MARCHF1: variants seen among roughly 807,000 people sequenced by gnomAD.
The protein encoded by MARCHF1 is membrane associated ring-CH-type finger 1.
A neutral mutation model predicts 54.2 loss-of-function variants in MARCHF1; 40 were observed. That is an observed-to-expected ratio of 0.74 (90% confidence interval 0.57 to 0.96). MARCHF1 has a LOEUF of 0.96. Ranked by LOEUF, MARCHF1 falls within the 40% of genes least tolerant of loss-of-function variation. The probability of loss-of-function intolerance (pLI) is 0.00; values close to 1 mark genes in which losing one functional copy is unlikely to be tolerated. For synonymous variants in MARCHF1, 236 were observed against 236.3 expected, an observed-to-expected ratio of 1.00 and a Z score of 0.01; for missense variants, 586 against 656.5, an observed-to-expected ratio of 0.89 and a Z score of 1.17.
intron 2 of MARCHF1, among the ~76,000 whole-genome samples, chr4:164,092,814 A>T (rs997509267): frequency 1.3e-5 from 2 of 150,604 alleles, no homozygotes; most frequent in Non-Finnish European, 3.0e-5. Context: ...AATTATCAGA[A>T]GGAAATTGAT....
At chr4:164,013,661 T>C (rs185702236) in intron 2 of MARCHF1, among the ~76,000 whole-genome samples, 1 of 152,122 alleles carries the variant, frequency 6.6e-6, no homozygotes, top group Non-Finnish European at 1.5e-5. Context: ...AAATAACATA[T>C]AAAGGAGTTC....
chr4:163,879,548 A>C lies in MARCHF1; in HGVS notation c.-38-25379T>G, dbSNP rs79679906. Reference sequence around the variant, plus strand: ...GCAAATTCCAAAGGCTTATATGTAAAGTATCATTTGCTACAGTGAAAATAG... The same window carrying C: ...GCAAATTCCAAAGGCTTATATGTAACGTATCATTTGCTACAGTGAAAATAG... On this transcript the variant is annotated intron_variant, in intron 3 of 9. Transcript: ENST00000514618. Among the ~76,000 whole-genome samples, 506 of 152,348 alleles carry C rather than the reference A, an allele frequency of 3.3e-3. 1 individual carries two copies. The highest frequency in any genetic ancestry group is 6.1e-3 in the Non-Finnish European group (414 of 68,030).
chr4:164,173,874 A>G (rs1239252450), intron 1 of MARCHF1, among the ~76,000 whole-genome samples: 1 of 152,186 alleles, frequency 6.6e-6, no homozygotes, highest in Non-Finnish European at 1.5e-5. Flanking sequence ...TCTTTAGAGC[A>G]TGGCAAGAGC....
intron 3 of MARCHF1, among the ~76,000 whole-genome samples, chr4:163,979,036 T>TTTTA (rs1272628165): frequency 1.8e-5 from 2 of 114,124 alleles, no homozygotes; most frequent in African/African-American, 5.8e-5. Context: ...TTTTTTTTTT[T>TTTTA]ATACTTTAAG....
intron 4 of MARCHF1, among the ~76,000 whole-genome samples, chr4:163,793,517 C>T (rs1747826638): frequency 6.6e-6 from 1 of 152,030 alleles, no homozygotes; most frequent in East Asian, 1.9e-4. Flanking sequence ...TTGAAAGAAG[C>T]GGGTACAAAG....
chr4:163,848,245 A>G (rs997669427), intron 4 of MARCHF1, among the ~76,000 whole-genome samples: 4 of 152,156 alleles, frequency 2.6e-5, no homozygotes, highest in Non-Finnish European at 5.9e-5. Flanking sequence ...CAAGCATCTC[A>G]TCCTGGAATA....
rs553772498 is a variant in MARCHF1, at chr4:164,197,856, T to A, written c.-322-86194A>T. 5 of 1,399,040 alleles carry A rather than the reference T, an allele frequency of 3.6e-6. 1 individual carries two copies. The African/African-American group carries it at 5.8e-5, about 16-fold the overall frequency. The allele number at this position is 1,399,040 out of a possible 1,614,324, so 86.7% of individuals were successfully genotyped here. A position where few individuals can be genotyped will look rare whatever the true frequency, so the allele number is the denominator to read the frequency against. On this transcript the variant is annotated intron_variant, in intron 1 of 9. Coordinates refer to ENST00000514618, the MANE Select transcript of MARCHF1 (RefSeq NM_001394959.1). ...GCCCCAATATTTACAAATATTATAATAAAGGGACTGATAAGTAACCTGGGT... is the reference window on the plus strand; with the variant it reads ...GCCCCAATATTTACAAATATTATAAAAAAGGGACTGATAAGTAACCTGGGT...
chr4:164,076,425 G>A (rs570397346), intron 2 of MARCHF1, among the ~76,000 whole-genome samples: 1 of 152,278 alleles, frequency 6.6e-6, no homozygotes, highest in African/African-American at 2.4e-5. Flanking sequence ...CAAAGCCACA[G>A]CCAATATCAT....
chr4:164,143,411 G>T (rs1353156116), intron 1 of MARCHF1, among the ~76,000 whole-genome samples: 6 of 149,504 alleles, frequency 4.0e-5, no homozygotes, highest in African/African-American at 1.5e-4. Flanking sequence ...AATGTTAAGG[G>T]CAGCCAGAGA....
chr4:164,013,997 G>C lies in MARCHF1; in HGVS notation c.-247-25288C>G, dbSNP rs139556449. On this transcript the variant is annotated intron_variant, in intron 2 of 9. Transcript: ENST00000514618. ...GGATCAAGAGATCAAAACCATCCTG[G>C]TCAAAATGGTGAAACCCCATCTCTA... 3.5e-3 allele frequency among the ~76,000 whole-genome samples: 534 copies of C among 152,048 alleles called. 5 individuals carry two copies. The highest frequency in any genetic ancestry group is 0.012 in the African/African-American group (489 of 41,480).
intron 3 of MARCHF1, among the ~76,000 whole-genome samples, chr4:163,932,114 A>G (rs1318798477): frequency 1.1e-5 from 1 of 90,246 alleles, no homozygotes; most frequent in African/African-American, 3.8e-5. Flanking sequence ...CCTTATTGCT[A>G]AAAAGAAAAA....
chr4:163,730,969 T>G (rs1212596035), intron 4 of MARCHF1, among the ~76,000 whole-genome samples: 3 of 152,202 alleles, frequency 2.0e-5, no homozygotes, highest in Non-Finnish European at 2.9e-5. Context: ...AAACTTACAC[T>G]ACCCCAGGGA....
chr4:163,837,799 A>G (rs1749231904), intron 4 of MARCHF1, among the ~76,000 whole-genome samples: 1 of 152,160 alleles, frequency 6.6e-6, no homozygotes, highest in Non-Finnish European at 1.5e-5. Flanking sequence ...CATGATTACC[A>G]AATTTTAGCT....
intron 4 of MARCHF1, 117 bp downstream of exon 4, chr4:163,853,904 A>G: frequency 1.2e-6 from 1 of 811,672 alleles, no homozygotes; most frequent in Non-Finnish European, 1.8e-6. Flanking sequence ...ATATAATACA[A>G]ATGCAAATAC....
intron 3 of MARCHF1, among the ~76,000 whole-genome samples, chr4:163,911,446 AAGTTC>A (rs1196718684): frequency 1.3e-5 from 2 of 152,150 alleles, no homozygotes; most frequent in Non-Finnish European, 2.9e-5. Flanking sequence ...CTGAGGAGAA[AAGTTC>A]TACAAGGCCT....
At chr4:164,255,147 G>A (rs181765567) in intron 1 of MARCHF1, among the ~76,000 whole-genome samples, 3 of 152,230 alleles carry the variant, frequency 2.0e-5, no homozygotes, top group Admixed American at 2.0e-4. Context: ...ACCAATTTGA[G>A]GGTTTTTGAT....
intron 1 of MARCHF1, among the ~76,000 whole-genome samples, chr4:164,338,677 A>T (rs1235008495): frequency 1.3e-5 from 2 of 152,216 alleles, no homozygotes; most frequent in Non-Finnish European, 2.9e-5. Context: ...TATAAGGATA[A>T]AGAAGTAAAT....
At chr4:164,240,820 C>T (rs1325144527) in intron 1 of MARCHF1, among the ~76,000 whole-genome samples, 4 of 152,040 alleles carry the variant, frequency 2.6e-5, no homozygotes, top group Non-Finnish European at 5.9e-5. Context: ...AAACTACCTC[C>T]ATTCCTTGTT....
At chr4:164,121,009 A>G (rs1756054792) in intron 1 of MARCHF1, among the ~76,000 whole-genome samples, 1 of 152,114 alleles carries the variant, frequency 6.6e-6, no homozygotes, top group Admixed American at 6.6e-5. Flanking sequence ...TTTGAAATAA[A>G]GGAAATAAAA....
Sources: gnomAD v4.1 joint callset for allele counts (sites outside exome capture counted in the v4.1 genomes callset) on GRCh38, gnomAD v4.1.1 for gene constraint, MANE v1.5 for transcripts, NCBI Gene and HGNC (gene_info 2026-07-23, HGNC 2026-07-21) for gene names.